Variants in ADAMTSL1 observed in about 807,000 individuals in gnomAD.
The protein encoded by ADAMTSL1 is ADAMTS-like protein 1.
ADAMTSL1 carries 126 observed loss-of-function variants against 201.8 expected under a neutral mutation model. The ratio of observed to expected loss-of-function variants is 0.62; its 90% CI spans 0.54 to 0.72. The LOEUF is 0.72. ADAMTSL1 is among the 30% of genes least tolerant of loss of function. The probability of loss-of-function intolerance (pLI) is 0.00; values close to 1 mark genes in which losing one functional copy is unlikely to be tolerated. For synonymous variants in ADAMTSL1, 1,121 were observed against 903.4 expected (o/e 1.24, Z -4.32); for missense variants, 2,679 against 2,277.8 (o/e 1.18, Z -3.59).
intron 2 of ADAMTSL1, among the ~76,000 whole-genome samples, chr9:18,383,144 TC>T (rs1357803174): frequency 6.6e-6 from 1 of 152,170 alleles, no homozygotes; most frequent in Non-Finnish European, 1.5e-5. Context: ...ATCTATTAAT[TC>T]TATATTATAG....
intron 1 of ADAMTSL1, among the ~76,000 whole-genome samples, chr9:18,014,389 A>G (rs985697906): frequency 6.6e-6 from 1 of 152,064 alleles, no homozygotes; most frequent in African/African-American, 2.4e-5. Flanking sequence ...AGAAAATGTA[A>G]CCATAACACT....
intron 23 of ADAMTSL1, among the ~76,000 whole-genome samples, chr9:18,844,932 GCC>G (rs1825996561): frequency 6.6e-6 from 1 of 152,208 alleles, no homozygotes; most frequent in African/African-American, 2.4e-5. Flanking sequence ...TTTTCCAGGT[GCC>G]GTCTGTCACC....
intron 1 of ADAMTSL1, among the ~76,000 whole-genome samples, chr9:18,011,703 TG>T (rs1462845440): frequency 2.0e-5 from 3 of 152,052 alleles, no homozygotes; most frequent in Non-Finnish European, 4.4e-5. Flanking sequence ...TCAAATATCA[TG>T]GAGCCTCTTT....
intron 2 of ADAMTSL1, among the ~76,000 whole-genome samples, chr9:18,220,267 T>C (rs1325484076): frequency 2.0e-5 from 3 of 152,196 alleles, no homozygotes; most frequent in Non-Finnish European, 2.9e-5. Context: ...GTTTTGCTCT[T>C]ACATTTTAAG....
chr9:18,271,337 C>G (rs1168242570), intron 2 of ADAMTSL1, among the ~76,000 whole-genome samples: 2 of 152,058 alleles, frequency 1.3e-5, no homozygotes, highest in East Asian at 1.9e-4. Context: ...CCCACTCCCC[C>G]CACCCCACAA....
At position 18,504,811 on chromosome 9, in the gene ADAMTSL1, T is replaced by C. The variant is rs376026489; in HGVS notation, c.64-18T>C. The C allele has an allele frequency of 9.9e-5, 159 of 1,614,076 alleles. 1 individual carries two copies. The South Asian group carries it at 1.6e-3, about 17-fold the overall frequency. On this transcript the variant is annotated intron_variant, in intron 1 of 28. Coordinates refer to ENST00000380548, the MANE Select transcript of ADAMTSL1 (RefSeq NM_001040272.6). ...TCCATGGGGGATATGATGCTGACCATTCTTTTGTTTCTCACAGAGTTCCAG... is the reference window on the plus strand; with the variant it reads ...TCCATGGGGGATATGATGCTGACCACTCTTTTGTTTCTCACAGAGTTCCAG...
intron 1 of ADAMTSL1, among the ~76,000 whole-genome samples, chr9:18,151,534 G>A (rs1435119457): frequency 1.3e-5 from 2 of 151,776 alleles, no homozygotes; most frequent in Admixed American, 6.6e-5. Context: ...ATCAAGATAA[G>A]GGGCTGAATT....
At position 18,535,365 on chromosome 9, in the gene ADAMTSL1, G is replaced by A. The variant is rs547725593; in HGVS notation, c.237+2073G>A. ...TTGCCTGTATCACTATCAGCATTTTGGTCAAAGCCATTCAACAAGACTGTA... is the reference window on the plus strand; with the variant it reads ...TTGCCTGTATCACTATCAGCATTTTAGTCAAAGCCATTCAACAAGACTGTA... On this transcript the variant is annotated intron_variant, in intron 3 of 28. Transcript: ENST00000380548. Among the ~76,000 whole-genome samples the A allele has an allele frequency of 1.9e-4, 29 of 152,226 alleles. 1 individual carries two copies. Among genetic ancestry groups the A allele is most frequent in the Admixed American group, 1.3e-4 (2 of 15,282 alleles).
At chr9:18,586,589 A>G (rs746186671) in intron 4 of ADAMTSL1, among the ~76,000 whole-genome samples, 12 of 152,214 alleles carry the variant, frequency 7.9e-5, no homozygotes, top group Non-Finnish European at 1.0e-4. Flanking sequence ...ACTAGAAAAA[A>G]AACTATTTTA....
intron 9 of ADAMTSL1, among the ~76,000 whole-genome samples, chr9:18,672,335 T>A (rs991124541): frequency 1.3e-5 from 2 of 152,212 alleles, no homozygotes; most frequent in African/African-American, 4.8e-5. Context: ...CTGTCTTTTC[T>A]TTCTTAGATT....
chr9:17,988,656 T>C (rs1221399710), intron 1 of ADAMTSL1, among the ~76,000 whole-genome samples: 1 of 151,820 alleles, frequency 6.6e-6, no homozygotes, highest in African/African-American at 2.4e-5. Context: ...AGGGAGCCAA[T>C]TTGATAGTAA....
chr9:18,574,594 T>TC (rs1491212734), intron 4 of ADAMTSL1: 1 of 380,122 alleles, frequency 2.6e-6, no homozygotes, highest in Non-Finnish European at 4.3e-6. Context: ...TGTGTTTGTG[T>TC]TTGTGTGTGT....
At chr9:18,325,053 C>G (rs1834775469) in intron 2 of ADAMTSL1, among the ~76,000 whole-genome samples, 1 of 152,156 alleles carries the variant, frequency 6.6e-6, no homozygotes, top group Non-Finnish European at 1.5e-5. Flanking sequence ...AATATACACA[C>G]TCAGTAGAAT....
chr9:18,219,129 C>G (rs1188665579), intron 2 of ADAMTSL1, among the ~76,000 whole-genome samples: 1 of 151,142 alleles, frequency 6.6e-6, no homozygotes, highest in Non-Finnish European at 1.5e-5. Context: ...TTTAATTGTT[C>G]TGGGTTTAAT....
chr9:18,860,532 C>A (rs1827144953), intron 23 of ADAMTSL1, among the ~76,000 whole-genome samples: 1 of 151,720 alleles, frequency 6.6e-6, no homozygotes, highest in Non-Finnish European at 1.5e-5. Context: ...ATTGCCAACT[C>A]CTGCTCTGGC....
At chr9:18,601,585 G>C (rs1257692652) in intron 4 of ADAMTSL1, among the ~76,000 whole-genome samples, 2 of 152,136 alleles carry the variant, frequency 1.3e-5, no homozygotes, top group African/African-American at 4.8e-5. Flanking sequence ...GGATTTCCTA[G>C]GGATGCTATA....
intron 6 of ADAMTSL1, among the ~76,000 whole-genome samples, chr9:18,638,129 G>A (rs554917201): frequency 1.3e-5 from 2 of 152,150 alleles, no homozygotes; most frequent in South Asian, 4.2e-4. Context: ...GCAAGGGAGT[G>A]AAGCCTGGCC....
At chr9:18,536,697 A>G (rs1819796854) in intron 3 of ADAMTSL1, among the ~76,000 whole-genome samples, 1 of 152,206 alleles carries the variant, frequency 6.6e-6, no homozygotes. Flanking sequence ...AAGGTGCTCC[A>G]TCTCTGGAAG....
chr9:18,291,298 A>T (rs1055992337), intron 2 of ADAMTSL1, among the ~76,000 whole-genome samples: 35 of 152,352 alleles, frequency 2.3e-4, no homozygotes, highest in African/African-American at 7.9e-4. Context: ...TTTCATATTT[A>T]TTCATGAATA....
Sources: allele counts gnomAD v4.1 joint callset (sites outside exome capture counted in the v4.1 genomes callset), GRCh38; gene constraint gnomAD v4.1.1; transcripts MANE v1.5; gene names NCBI Gene and HGNC (gene_info 2026-07-23, HGNC 2026-07-21).